The following NXN variants were observed in gnomAD, a reference collection of about 807,000 sequenced individuals.
NXN encodes nucleoredoxin.
NXN carries 16 observed loss-of-function variants against 48.6 expected under a neutral mutation model. The observed-to-expected ratio is 0.33, with a 90% CI of 0.22 to 0.50. NXN has a LOEUF of 0.50. Among genes scored for constraint, NXN ranks in the 20% least tolerant of loss-of-function variants. NXN has a pLI of 0.98. For missense variants in NXN, 492 were observed against 605.5 expected, an observed-to-expected ratio of 0.81 and a Z score of 1.97; for synonymous variants, 281 against 269.6, an observed-to-expected ratio of 1.04 and a Z score of -0.41.
chr17:807,311 A>T (rs568292738), intron 5 of NXN, among the ~76,000 whole-genome samples: 2 of 152,310 alleles, frequency 1.3e-5, no homozygotes, highest in African/African-American at 4.8e-5. Flanking sequence ...GCACTGGGGT[A>T]AACCAGAGCC....
chr17:831,258 A>G (rs1309305997), intron 1 of NXN, among the ~76,000 whole-genome samples: 2 of 151,356 alleles, frequency 1.3e-5, no homozygotes, highest in Non-Finnish European at 2.9e-5. Context: ...CCAGGACTTC[A>G]AGACCAGCCT....
At chr17:893,518 C>CT (rs2068446013) in intron 1 of NXN, among the ~76,000 whole-genome samples, 1 of 152,200 alleles carries the variant, frequency 6.6e-6, no homozygotes, top group African/African-American at 2.4e-5. Flanking sequence ...CAAAAAAGGC[C>CT]AGAGGAAGCA....
intron 1 of NXN, among the ~76,000 whole-genome samples, chr17:873,493 C>CAAGAAAAAAAA (rs2068181869): frequency 1.3e-5 from 1 of 74,982 alleles, no homozygotes; most frequent in African/African-American, 4.9e-5. Context: ...ACACTGTCTC[C>CAAGAAAAAAAA]AAAAAAAAAA....
intron 1 of NXN, among the ~76,000 whole-genome samples, chr17:891,139 C>A (rs2068412705): frequency 6.6e-6 from 1 of 152,172 alleles, no homozygotes; most frequent in South Asian, 2.1e-4. Flanking sequence ...CACACAGTGG[C>A]ACGATCACAG....
chr17:857,432 T>C (rs1449813674), intron 1 of NXN, among the ~76,000 whole-genome samples: 1 of 152,072 alleles, frequency 6.6e-6, no homozygotes, highest in Non-Finnish European at 1.5e-5. Context: ...AGATCATTTT[T>C]GTATTTTTAG....
chr17:979,250 G>GCGTGGGGGGCGGGCAGGGGTAACGGT (rs2069504961), intron 1 of NXN, 69 bp downstream of exon 1: 2 of 1,208,312 alleles, frequency 1.7e-6, no homozygotes, highest in Non-Finnish European at 2.1e-6. Flanking sequence ...GGGGTAACGG[G>GCGTGGGGGGCGGGCAGGGGTAACGGT]CGTGGGGGGC....
At chr17:965,451 A>T (rs2069290651) in intron 1 of NXN, among the ~76,000 whole-genome samples, 1 of 152,198 alleles carries the variant, frequency 6.6e-6, no homozygotes, top group African/African-American at 2.4e-5. Flanking sequence ...CTTTCCTTGA[A>T]AACTATCAAT....
Position 919,348 on chromosome 17 carries a change from T to C in NXN, c.360+59971A>G, listed in dbSNP as rs1006075037. ...ACTGTACTCCAGCCTGGTGACAGAG[T>C]GAGACTCTGTCTCAAAACAAAACAA... is the stretch of plus-strand genomic sequence containing the variant. On this transcript the variant is annotated intron_variant, in intron 1 of 7. Transcript: ENST00000336868. This position sits in a 1 kb window ranked among gnomAD's most constrained non-coding sequence, Gnocchi z 5.1. Among the ~76,000 whole-genome samples the C allele has an allele frequency of 1.3e-5, 2 of 150,700 alleles. No individual in the cohort carries two copies. Among genetic ancestry groups the C allele is most frequent in the African/African-American group, 4.8e-5 (2 of 41,286 alleles).
At chr17:860,826 G>C (rs1419647297) in intron 1 of NXN, among the ~76,000 whole-genome samples, 2 of 152,266 alleles carry the variant, frequency 1.3e-5, no homozygotes, top group South Asian at 4.1e-4. Flanking sequence ...AACTCTAATA[G>C]TAACTATTAC....
chr17:842,920 CAA>C (rs1914414443), intron 1 of NXN, among the ~76,000 whole-genome samples: 1 of 148,464 alleles, frequency 6.7e-6, no homozygotes, highest in South Asian at 2.1e-4. Flanking sequence ...GCCTGGGCAA[CAA>C]GAGCAAAATT....
Position 820,935 on chromosome 17 carries a change from A to AC in NXN, c.714-1391_714-1390insG, listed in dbSNP as rs1377166154. On this transcript the variant is annotated intron_variant, in intron 4 of 7. Coordinates refer to ENST00000336868, the MANE Select transcript of NXN (RefSeq NM_022463.5). ...CGAGACTCCACCTAAAAAAAAAAAA[A>AC]AAAACAAAAAAAAAAACTGACTGCT... Among the ~76,000 whole-genome samples the AC allele has an allele frequency of 2.9e-4, 20 of 68,808 alleles. 10 individuals are homozygous for AC. Among genetic ancestry groups the AC allele is most frequent in the Non-Finnish European group, 5.4e-4 (20 of 37,066 alleles). The allele number at this position is 68,808 out of a possible 152,430, so 45.1% of individuals were successfully genotyped here.
chr17:896,856 C>CGGGGGGGGGCGGG, intron 1 of NXN: 2 of 1,156,930 alleles, frequency 1.7e-6, no homozygotes, highest in Non-Finnish European at 2.2e-6. Flanking sequence ...CGGTCCTGAC[C>CGGGGGGGGGCGGG]ACCCGCCCCC....
chr17:805,031 A>ACCCC, intron 6 of NXN, 37 bp downstream of exon 6: 1 of 1,009,714 alleles, frequency 9.9e-7, no homozygotes, highest in Non-Finnish European at 1.4e-6. Context: ...CCCGCCCCCC[A>ACCCC]GCCACCCCTC....
intron 1 of NXN, among the ~76,000 whole-genome samples, chr17:961,263 G>A (rs1202177600): frequency 3.3e-5 from 5 of 151,952 alleles, no homozygotes; most frequent in Middle Eastern, 3.4e-3. Context: ...GTGTGGTGGC[G>A]CGTGCCTGCC....
At position 935,812 on chromosome 17, in the gene NXN, G is replaced by A. The variant is rs114381310; in HGVS notation, c.360+43507C>T. 2.0e-3 allele frequency among the ~76,000 whole-genome samples: 301 copies of A among 152,238 alleles called. 1 individual carries two copies. The highest frequency in any genetic ancestry group is 6.8e-3 in the African/African-American group (284 of 41,544). ...GCCTGGAATAAAACCTGCAGCCTAG[G>A]CCGGGCGCAGTGACTCACGCCTATA... is the stretch of plus-strand genomic sequence containing the variant. On this transcript the variant is annotated intron_variant, in intron 1 of 7. Coordinates refer to ENST00000336868, the MANE Select transcript of NXN (RefSeq NM_022463.5).
rs73293316 is a variant in NXN, at chr17:886,998, C to T, written c.361-60920G>A. ...GTGATCATGGCTACGGCCTTAACCT[C>T]CTGGGCTCAAGCAATCCTGCCACCT... On this transcript the variant is annotated intron_variant, in intron 1 of 7. Transcript: ENST00000336868. 4.2e-3 allele frequency among the ~76,000 whole-genome samples: 644 copies of T among 152,124 alleles called. 9 individuals are homozygous for T. The highest frequency in any genetic ancestry group is 0.015 in the African/African-American group (621 of 41,490).
At chr17:972,406 G>A (rs1187730831) in intron 1 of NXN, among the ~76,000 whole-genome samples, 1 of 152,078 alleles carries the variant, frequency 6.6e-6, no homozygotes, top group Non-Finnish European at 1.5e-5. Flanking sequence ...GAACCCAGGA[G>A]GCGGAGGTTG....
intron 1 of NXN, chr17:878,417 G>C (rs1286367078): frequency 7.5e-6 from 1 of 132,714 alleles, no homozygotes; most frequent in Non-Finnish European, 1.6e-5. Flanking sequence ...TTGGGGGTGG[G>C]GGAGGGGGTG....
chr17:854,927 C>G (rs1597666248), intron 1 of NXN, among the ~76,000 whole-genome samples: 2 of 152,056 alleles, frequency 1.3e-5, no homozygotes, highest in Non-Finnish European at 2.9e-5. Context: ...CTACTGCACT[C>G]CAGCCTGGGC....
Sources: allele counts gnomAD v4.1 joint callset (sites outside exome capture counted in the v4.1 genomes callset), GRCh38; gene constraint gnomAD v4.1.1; non-coding constraint Gnocchi (gnomAD v3.1); transcripts MANE v1.5; gene names NCBI Gene and HGNC (gene_info 2026-07-23, HGNC 2026-07-21).